Variants in TRPV1 observed in about 807,000 individuals in gnomAD.
TRPV1 encodes transient receptor potential cation channel subfamily V member 1.
TRPV1 carries 82 observed loss-of-function variants against 82.3 expected under a neutral mutation model. The observed-to-expected ratio is 1.00, with a 90% CI of 0.83 to 1.20. The LOEUF (loss-of-function observed/expected upper bound fraction) is 1.20. Among genes scored for constraint, TRPV1 ranks in the 50% most tolerant of loss-of-function variants. TRPV1 has a pLI of 0.00. For synonymous variants in TRPV1, 515 were observed against 467.7 expected (o/e 1.10, Z -1.30); for missense variants, 1,067 against 1,096.8 (o/e 0.97, Z 0.38).
At chr17:3,586,296 G>A (rs1353641954) in intron 8 of TRPV1, among the ~76,000 whole-genome samples, 1 of 152,216 alleles carries the variant, frequency 6.6e-6, no homozygotes, top group African/African-American at 2.4e-5. Context: ...GGCATGAGGG[G>A]CTCAGGGCAG....
At chr17:3,607,122 T>C (rs966729217) in intron 2 of TRPV1, among the ~76,000 whole-genome samples, 1 of 152,068 alleles carries the variant, frequency 6.6e-6, no homozygotes, top group African/African-American at 2.4e-5. Context: ...CTGAGGCAGG[T>C]GGATCACCTG....
Position 3,566,181 on chromosome 17 carries a change from A to G in TRPV1, c.*634T>C, listed in dbSNP as rs534483233. 7.0e-6 allele frequency: 1 copy of G among 143,508 alleles called. No individual in the cohort carries two copies. Among genetic ancestry groups the G allele is most frequent in the Admixed American group, 7.0e-5 (1 of 14,356 alleles). 8.9% of individuals were successfully genotyped at this position (143,508 alleles called of 1,614,324 possible). A position where few individuals can be genotyped will look rare whatever the true frequency, so the allele number is the denominator to read the frequency against. On this transcript the variant is annotated 3_prime_UTR_variant, in exon 17 of 17. Coordinates refer to ENST00000572705, the MANE Select transcript of TRPV1 (RefSeq NM_080704.4). ...GAGTGAAACTCTGTCTCACAGAAAAAAAAAAAAAGAATAAAATCAAAGAAA... is the reference window on the plus strand; with the variant it reads ...GAGTGAAACTCTGTCTCACAGAAAAGAAAAAAAAGAATAAAATCAAAGAAA...
intron 13 of TRPV1, among the ~76,000 whole-genome samples, chr17:3,574,478 C>A (rs868406244): frequency 6.6e-6 from 1 of 152,166 alleles, no homozygotes; most frequent in Non-Finnish European, 1.5e-5. Context: ...AAATGCAGGG[C>A]CTTCAGATCC....
At chr17:3,598,805 G>T (rs2075241003) in intron 2 of TRPV1, among the ~76,000 whole-genome samples, 1 of 150,162 alleles carries the variant, frequency 6.7e-6, no homozygotes, top group South Asian at 2.1e-4. Context: ...GACCTCAAGT[G>T]ATCCACCTGC....
chr17:3,582,852 CAGG>C (rs1200100341), intron 10 of TRPV1, among the ~76,000 whole-genome samples: 1 of 76,800 alleles, frequency 1.3e-5, no homozygotes, highest in African/African-American at 2.9e-5. Context: ...CCCAGCTACT[CAGG>C]AGAATTTTTT....
chr17:3,606,045 G>A (rs547928258), intron 2 of TRPV1, among the ~76,000 whole-genome samples: 2 of 152,204 alleles, frequency 1.3e-5, no homozygotes, highest in East Asian at 1.9e-4. Context: ...TGCAACCTCC[G>A]CCTTCCAGGC....
At position 3,590,089 on chromosome 17, in the gene TRPV1, G is replaced by C. The variant is rs773592575; in HGVS notation, c.762C>G (p.Ser254=). Residue 254 remains serine (S), a synonymous_variant, in exon 7 of 17, where the codon TCC becomes TCG. Transcript: ENST00000572705. ...CCAGCTGGTTGGTGCACGCGGCCAG[G>C]GACAGGGGCAGTTCACCTGCATGAA... The part of the protein sequence containing the change: ...PGFYFGELPL[S]LAACTNQLGI... 6.2e-7 allele frequency: 1 copy of C among 1,606,882 alleles called. No homozygotes were observed. Among genetic ancestry groups the C allele is most frequent in the Non-Finnish European group, 8.5e-7 (1 of 1,176,320 alleles).
chr17:3,592,747 T>C, intron 2 of TRPV1: 2 of 177,814 alleles, frequency 1.1e-5, no homozygotes, highest in South Asian at 1.4e-4. Context: ...GCTGCCTCCC[T>C]CCCCACACAG....
intron 16 of TRPV1, among the ~76,000 whole-genome samples, chr17:3,571,191 A>C (rs1259555604): frequency 7.2e-5 from 11 of 152,178 alleles, no homozygotes; most frequent in East Asian, 5.8e-4. Flanking sequence ...AACAGGGCTG[A>C]GGAGGCAGGG....
intron 5 of TRPV1, among the ~76,000 whole-genome samples, chr17:3,590,724 G>A (rs549510122): frequency 1.3e-5 from 2 of 152,292 alleles, no homozygotes; most frequent in East Asian, 3.9e-4. Context: ...GGGGGAGGCA[G>A]GGACTTCTCA....
intron 8 of TRPV1, among the ~76,000 whole-genome samples, chr17:3,587,378 G>A (rs990039504): frequency 1.3e-5 from 2 of 152,170 alleles, no homozygotes; most frequent in African/African-American, 4.8e-5. Flanking sequence ...TCTGCCTTAG[G>A]AGCTCAGAGC....
intron 11 of TRPV1, chr17:3,578,972 A>T (rs2150834178): frequency 6.6e-6 from 1 of 152,250 alleles, no homozygotes; most frequent in Admixed American, 6.6e-5. Context: ...GGAGCAAAAC[A>T]CTGGGCACCC....
chr17:3,607,443 T>G (rs891331705), intron 2 of TRPV1, among the ~76,000 whole-genome samples: 2 of 152,146 alleles, frequency 1.3e-5, no homozygotes, highest in African/African-American at 4.8e-5. Context: ...GGATCCTGCA[T>G]ATGCCATGTT....
intron 2 of TRPV1, among the ~76,000 whole-genome samples, chr17:3,600,934 C>T (rs549609327): frequency 1.3e-5 from 2 of 152,278 alleles, no homozygotes; most frequent in Admixed American, 6.5e-5. Flanking sequence ...GTGTCCAAGT[C>T]AGCGGCTGCT....
Position 3,566,980 on chromosome 17 carries a change from G to T in TRPV1, c.2355C>A (p.Gly785=), listed in dbSNP as rs768676424. The T allele has an allele frequency of 6.2e-7, 1 of 1,613,758 alleles. No homozygotes were observed. Among genetic ancestry groups the T allele is most frequent in the Admixed American group, 1.7e-5 (1 of 59,956 alleles). Residue 785 remains glycine (G), a synonymous_variant, in exon 17 of 17, where the codon GGC becomes GGA. Transcript: ENST00000572705. ...CCAGGGCAAAGTTCTTCCAGTGTCT[G>T]CCTGAAACTGAAGGGTAACACTATT... ...SFSLRSSRVS[G]RHWKNFALVP... is the part of the protein sequence containing the mutation.
intron 2 of TRPV1, among the ~76,000 whole-genome samples, chr17:3,599,901 G>C (rs1391632072): frequency 2.6e-5 from 4 of 152,302 alleles, no homozygotes; most frequent in African/African-American, 9.6e-5. Context: ...TTACAGGCAT[G>C]AGCCATCACA....
At chr17:3,596,218 G>C (rs920961893) in intron 2 of TRPV1, among the ~76,000 whole-genome samples, 1 of 152,084 alleles carries the variant, frequency 6.6e-6, no homozygotes, top group Non-Finnish European at 1.5e-5. Context: ...CTACCCTCTG[G>C]GGGAAGGATC....
chr17:3,567,457 C>A (rs2074783618), intron 16 of TRPV1, among the ~76,000 whole-genome samples: 1 of 151,838 alleles, frequency 6.6e-6, no homozygotes, highest in Non-Finnish European at 1.5e-5. Flanking sequence ...CCTGAGGCAC[C>A]TGGATCGGTG....
intron 8 of TRPV1, among the ~76,000 whole-genome samples, chr17:3,587,469 G>A (rs752117675): frequency 2.0e-5 from 3 of 152,166 alleles, no homozygotes; most frequent in Non-Finnish European, 4.4e-5. Context: ...GTAACACTAA[G>A]ACATTCATTT....
Sources: allele counts gnomAD v4.1 joint callset (sites outside exome capture counted in the v4.1 genomes callset), GRCh38; gene constraint gnomAD v4.1.1; transcripts MANE v1.5; gene names NCBI Gene and HGNC (gene_info 2026-07-23, HGNC 2026-07-21).